PDZRN4: variants seen among roughly 807,000 people sequenced by gnomAD.
PDZRN4 encodes the protein PDZ domain-containing RING finger protein 4.
PDZRN4 carries 70 observed loss-of-function variants against 99.0 expected under a neutral mutation model. The observed-to-expected ratio is 0.71, with a 90% CI of 0.58 to 0.86. The LOEUF (loss-of-function observed/expected upper bound fraction) is 0.86, where lower values mean the gene tolerates loss of function less well. Among genes scored for constraint, PDZRN4 ranks in the 40% least tolerant of loss-of-function variants. PDZRN4 has a pLI of 0.00. For synonymous variants in PDZRN4, 551 were observed against 501.6 expected, an observed-to-expected ratio of 1.10 and a Z score of -1.32; for missense variants, 1,474 against 1,331.2, an observed-to-expected ratio of 1.11 and a Z score of -1.67.
At chr12:41,295,040 TA>T (rs1238805925) in intron 3 of PDZRN4, among the ~76,000 whole-genome samples, 1 of 152,106 alleles carries the variant, frequency 6.6e-6, no homozygotes, top group African/African-American at 2.4e-5. Context: ...TTCTCATCAG[TA>T]CCACAGCAGA....
intron 3 of PDZRN4, among the ~76,000 whole-genome samples, chr12:41,402,246 TAC>T (rs56171883): frequency 2.1e-5 from 1 of 48,582 alleles, no homozygotes; most frequent in Non-Finnish European, 3.5e-5. Context: ...CATATATATA[TAC>T]ACACACTGAG....
chr12:41,489,084 T>C (rs1325032535), intron 3 of PDZRN4, among the ~76,000 whole-genome samples: 1 of 152,176 alleles, frequency 6.6e-6, no homozygotes, highest in Non-Finnish European at 1.5e-5. Context: ...TATGAGGTTA[T>C]TTTTTGAGAT....
chr12:41,437,790 T>C, intron 3 of PDZRN4: 1 of 1,550,452 alleles, frequency 6.4e-7, no homozygotes, highest in Admixed American at 1.8e-5. Flanking sequence ...CCACTCTGGC[T>C]TACGCTTCCA....
At chr12:41,466,542 G>A (rs187988649) in intron 3 of PDZRN4, among the ~76,000 whole-genome samples, 4 of 152,242 alleles carry the variant, frequency 2.6e-5, no homozygotes, top group Non-Finnish European at 4.4e-5. Flanking sequence ...TTCTCAACTT[G>A]TCAATATCCC....
At chr12:41,286,898 C>T (rs1951426160) in intron 3 of PDZRN4, among the ~76,000 whole-genome samples, 2 of 152,246 alleles carry the variant, frequency 1.3e-5, no homozygotes, top group South Asian at 4.1e-4. Flanking sequence ...TAATTTTTCA[C>T]ACCTTCTTTT....
intron 3 of PDZRN4, among the ~76,000 whole-genome samples, chr12:41,398,739 TTTCTC>T (rs1952268199): frequency 1.3e-5 from 2 of 152,160 alleles, no homozygotes; most frequent in South Asian, 4.1e-4. Flanking sequence ...AAGATACAGC[TTTCTC>T]TTCTCATTTC....
intron 3 of PDZRN4, among the ~76,000 whole-genome samples, chr12:41,218,778 T>A (rs1217502548): frequency 6.6e-6 from 1 of 152,172 alleles, no homozygotes; most frequent in Non-Finnish European, 1.5e-5. Flanking sequence ...ACATTTTCAG[T>A]TAATTTCTGT....
In PDZRN4 at chr12:41,367,677, G is replaced by C. The variant is rs181671769; in HGVS notation, c.844-138779G>C. Reference sequence around the variant, plus strand: ...GTTATTGCCATAAAATAGCTTGGTGGTAATTTGTGTGTTCCATTTGGATTA... The same window carrying C: ...GTTATTGCCATAAAATAGCTTGGTGCTAATTTGTGTGTTCCATTTGGATTA... On this transcript the variant is annotated intron_variant, in intron 3 of 9. Coordinates refer to ENST00000402685, the MANE Select transcript of PDZRN4 (RefSeq NM_001164595.2). Among the ~76,000 whole-genome samples, 480 of 152,048 alleles carry C rather than the reference G, an allele frequency of 3.2e-3. 5 individuals carry two copies. Among genetic ancestry groups the C allele is most frequent in the African/African-American group, 0.011 (457 of 41,494 alleles).
At chr12:41,429,554 A>G (rs1952567958) in intron 3 of PDZRN4, among the ~76,000 whole-genome samples, 1 of 152,138 alleles carries the variant, frequency 6.6e-6, no homozygotes, top group Non-Finnish European at 1.5e-5. Context: ...GGAATTTGTC[A>G]TAATGATGAC....
At chr12:41,344,886 A>G (rs1285417591) in intron 3 of PDZRN4, among the ~76,000 whole-genome samples, 1 of 151,844 alleles carries the variant, frequency 6.6e-6, no homozygotes, top group African/African-American at 2.4e-5. Context: ...AAAAAACTGT[A>G]CTGAAATGTA....
chr12:41,520,073 A>C (rs1336516773), intron 5 of PDZRN4, among the ~76,000 whole-genome samples: 1 of 152,092 alleles, frequency 6.6e-6, no homozygotes, highest in Non-Finnish European at 1.5e-5. Flanking sequence ...TCTGCCTAGA[A>C]TATCCCCTCT....
chr12:41,205,098 G>A (rs555424076), intron 3 of PDZRN4, among the ~76,000 whole-genome samples: 3 of 151,840 alleles, frequency 2.0e-5, no homozygotes, highest in African/African-American at 7.3e-5. Flanking sequence ...GAGACAAAAT[G>A]CTACCAGAAC....
At chr12:41,280,903 C>T (rs1363054371) in intron 3 of PDZRN4, among the ~76,000 whole-genome samples, 1 of 152,152 alleles carries the variant, frequency 6.6e-6, no homozygotes, top group Non-Finnish European at 1.5e-5. Context: ...CCCTGACCCC[C>T]GTGCCTCCTG....
chr12:41,355,057 T>G, intron 3 of PDZRN4, among the ~76,000 whole-genome samples: 1 of 151,982 alleles, frequency 6.6e-6, no homozygotes, highest in Non-Finnish European at 1.5e-5. Flanking sequence ...ACCGACTAAG[T>G]GTTTGCTTTG....
intron 3 of PDZRN4, among the ~76,000 whole-genome samples, chr12:41,469,237 T>C (rs764891548): frequency 6.6e-6 from 1 of 152,108 alleles, no homozygotes; most frequent in Non-Finnish European, 1.5e-5. Flanking sequence ...GATTTATGTG[T>C]GAAAAAAGGT....
intron 3 of PDZRN4, among the ~76,000 whole-genome samples, chr12:41,261,335 G>C (rs1951238266): frequency 6.6e-6 from 1 of 152,180 alleles, no homozygotes; most frequent in Admixed American, 6.5e-5. Context: ...AAATGTGTAA[G>C]CCCCATTCCA....
At chr12:41,314,664 G>A (rs77428482) in intron 3 of PDZRN4, among the ~76,000 whole-genome samples, 6,744 of 152,148 alleles carry the variant, frequency 0.044, 503 homozygotes, top group African/African-American at 0.15. Context: ...GGGTAAGAGT[G>A]GAATGTTTGT....
Position 41,188,775 on chromosome 12 carries a change from G to T in PDZRN4, c.320G>T (p.Gly107Val), listed in dbSNP as rs1950711797. 7.2e-7 allele frequency: 1 copy of T among 1,393,970 alleles called. No individual in the cohort carries two copies. Among genetic ancestry groups the T allele is most frequent in the Non-Finnish European group, 9.2e-7 (1 of 1,081,864 alleles). The allele number at this position is 1,393,970 out of a possible 1,614,324, so 86.4% of individuals were successfully genotyped here. A position where few individuals can be genotyped will look rare whatever the true frequency, so the allele number is the denominator to read the frequency against. The change falls in exon 1 of 10, where the codon GGC (glycine) becomes GTC (valine). Residue 107 changes from glycine (G) to valine (V), a missense_variant. Gly to Val is a moderately radical substitution (Grantham distance 109). Transcript: ENST00000402685. ...LEAHVEHCDF[G>V]PARRLRSRGG... Reference sequence around the variant, plus strand: ...GCGCACGTCGAGCACTGCGACTTCGGCCCTGCCCGCCGGCTCCGCAGCCGC... The same window carrying T: ...GCGCACGTCGAGCACTGCGACTTCGTCCCTGCCCGCCGGCTCCGCAGCCGC...
intron 9 of PDZRN4, among the ~76,000 whole-genome samples, chr12:41,569,815 C>A (rs1174087884): frequency 6.6e-6 from 1 of 152,138 alleles, no homozygotes; most frequent in Non-Finnish European, 1.5e-5. Flanking sequence ...TTGGCCACTC[C>A]ACAAACAGAA....
Sources: gnomAD v4.1 joint callset for allele counts (sites outside exome capture counted in the v4.1 genomes callset) on GRCh38, gnomAD v4.1.1 for gene constraint, MANE v1.5 for transcripts, NCBI Gene and HGNC (gene_info 2026-07-23, HGNC 2026-07-21) for gene names.